The following MAGI1 variants were observed in gnomAD, a reference collection of about 807,000 sequenced individuals.
The protein encoded by MAGI1 is membrane associated guanylate kinase, WW and PDZ domain containing 1.
Under a neutral mutation model 139.9 loss-of-function variants are expected in MAGI1, and 58 were observed. That is an observed-to-expected ratio of 0.41 (90% CI 0.34 to 0.52). The LOEUF (loss-of-function observed/expected upper bound fraction) is 0.52. MAGI1 is among the 20% of genes least tolerant of loss of function. MAGI1 has a pLI of 0.12. For synonymous variants in MAGI1, 812 were observed against 737.9 expected (o/e 1.10, Z -1.63); for missense variants, 1,874 against 1,901.6 (o/e 0.99, Z 0.27).
chr3:65,430,902 C>A, intron 10 of MAGI1, 21 bp from the exon 11 acceptor site: 1 of 1,608,882 alleles, frequency 6.2e-7, no homozygotes, highest in Non-Finnish European at 8.5e-7. Flanking sequence ...ATAAGAAACG[C>A]ATAAGGAATG....
At chr3:65,518,126 T>C (rs1241046086) in intron 2 of MAGI1, among the ~76,000 whole-genome samples, 1 of 152,142 alleles carries the variant, frequency 6.6e-6, no homozygotes, top group Non-Finnish European at 1.5e-5. Flanking sequence ...TGTATCCCTC[T>C]AGTTAGCAGC....
Position 65,420,874 on chromosome 3 carries a change from A to G in MAGI1, c.2167+8646T>C, listed in dbSNP as rs537290829. Among the ~76,000 whole-genome samples, 5 of 152,358 alleles carry G rather than the reference A, an allele frequency of 3.3e-5. No individual in the cohort carries two copies. In the East Asian group the frequency reaches 9.6e-4, roughly 29 times the overall value. Reference sequence around the variant, plus strand: ...AGAATGAGACATTGCTTTGTAGAACAAAAGTAAAAGTTTTAGGTGTGCCAA... The same window carrying G: ...AGAATGAGACATTGCTTTGTAGAACGAAAGTAAAAGTTTTAGGTGTGCCAA... On this transcript the variant is annotated intron_variant, in intron 12 of 22. Transcript: ENST00000402939.
intron 1 of MAGI1, among the ~76,000 whole-genome samples, chr3:66,011,203 G>C (rs2067302924): frequency 6.6e-6 from 1 of 152,210 alleles, no homozygotes; most frequent in African/African-American, 2.4e-5. Flanking sequence ...CTAACTTCAA[G>C]GGTGTCCCCA....
At position 65,370,132 on chromosome 3, in the gene MAGI1, C is replaced by T. The variant is rs77528094; in HGVS notation, c.3197-5186G>A. Among the ~76,000 whole-genome samples the T allele has an allele frequency of 3.9e-3, 587 of 152,278 alleles. 2 individuals are homozygous for T. Among genetic ancestry groups the T allele is most frequent in the African/African-American group, 0.013 (552 of 41,562 alleles). ...GAGAAATCTAACTCCCCTGCTTCAA[C>T]TCTAATTTCCAAAATGCTGTTTCTC... On this transcript the variant is annotated intron_variant, in intron 18 of 22. Coordinates refer to ENST00000402939, the MANE Select transcript of MAGI1 (RefSeq NM_001033057.2).
Position 65,582,574 on chromosome 3 carries a change from C to T in MAGI1, c.430+39398G>A, listed in dbSNP as rs111438975. Among the ~76,000 whole-genome samples, 941 of 150,936 alleles carry T rather than the reference C, an allele frequency of 6.2e-3. 7 individuals are homozygous for T. Among genetic ancestry groups the T allele is most frequent in the African/African-American group, 0.021 (852 of 41,346 alleles). ...GGCTCTCTGATGTTGACATGCCTGA[C>T]GATTCTGAGTACAAAATCCAGGTCA... On this transcript the variant is annotated intron_variant, in intron 2 of 22. Transcript: ENST00000402939.
chr3:65,726,049 T>C (rs1417463908), intron 1 of MAGI1, among the ~76,000 whole-genome samples: 1 of 152,204 alleles, frequency 6.6e-6, no homozygotes, highest in Non-Finnish European at 1.5e-5. Flanking sequence ...ATGAACATAT[T>C]CTTGGCAGAG....
At chr3:65,392,895 G>T (rs1477526038) in intron 13 of MAGI1, among the ~76,000 whole-genome samples, 1 of 152,180 alleles carries the variant, frequency 6.6e-6, no homozygotes, top group East Asian at 1.9e-4. Context: ...TGATGTGCCT[G>T]CAGGAGAAAT....
intron 1 of MAGI1, chr3:65,688,548 T>G: frequency 2.7e-6 from 1 of 369,896 alleles, no homozygotes; most frequent in Non-Finnish European, 5.3e-6. Context: ...CTACTGTGCT[T>G]TATATGGTGA....
intron 1 of MAGI1, among the ~76,000 whole-genome samples, chr3:65,783,877 C>T (rs1385035243): frequency 6.6e-6 from 1 of 151,686 alleles, no homozygotes; most frequent in African/African-American, 2.4e-5. Context: ...AATCCCAGCA[C>T]TTTGGGAGGC....
chr3:65,715,311 G>A (rs776392477), intron 1 of MAGI1, among the ~76,000 whole-genome samples: 1 of 152,034 alleles, frequency 6.6e-6, no homozygotes, highest in African/African-American at 2.4e-5. Context: ...ACATTTTCTT[G>A]GTCCCCTTAT....
intron 5 of MAGI1, among the ~76,000 whole-genome samples, chr3:65,456,580 G>A (rs1285320620): frequency 6.6e-6 from 1 of 151,898 alleles, no homozygotes; most frequent in Non-Finnish European, 1.5e-5. Flanking sequence ...TGCTTTTGAT[G>A]TCTCTTTGCC....
chr3:65,402,535 C>A (rs1038110426), intron 12 of MAGI1, among the ~76,000 whole-genome samples: 2 of 152,120 alleles, frequency 1.3e-5, no homozygotes, highest in South Asian at 2.1e-4. Context: ...AGTTAGAATG[C>A]AAAATACAGA....
intron 1 of MAGI1, among the ~76,000 whole-genome samples, chr3:65,655,548 T>C (rs1337305218): frequency 2.0e-5 from 3 of 152,196 alleles, no homozygotes; most frequent in Non-Finnish European, 4.4e-5. Flanking sequence ...CAACTTGACA[T>C]GCAGAGGAGA....
At chr3:66,009,230 A>C (rs947422108) in intron 1 of MAGI1, 2 of 152,304 alleles carry the variant, frequency 1.3e-5, no homozygotes, top group African/African-American at 4.8e-5. Flanking sequence ...AATAAAGAAT[A>C]TCCGGCCAGG....
At chr3:65,487,795 T>C (rs1951720648) in intron 3 of MAGI1, among the ~76,000 whole-genome samples, 1 of 152,236 alleles carries the variant, frequency 6.6e-6, no homozygotes, top group Admixed American at 6.5e-5. Context: ...AGCTTAACTC[T>C]TAAGACCTGC....
chr3:65,753,250 C>T (rs1334658402), intron 1 of MAGI1, among the ~76,000 whole-genome samples: 1 of 152,070 alleles, frequency 6.6e-6, no homozygotes, highest in Non-Finnish European at 1.5e-5. Context: ...TTTGTGAGAC[C>T]TAAACTGTCC....
intron 2 of MAGI1, among the ~76,000 whole-genome samples, chr3:65,521,423 C>A (rs900430305): frequency 1.1e-4 from 16 of 152,046 alleles, no homozygotes; most frequent in African/African-American, 2.9e-4. Context: ...TATCAATAGC[C>A]CACGATTTAG....
At chr3:66,036,988 G>A (rs2068957993) in intron 1 of MAGI1, among the ~76,000 whole-genome samples, 1 of 152,176 alleles carries the variant, frequency 6.6e-6, no homozygotes. Flanking sequence ...ATTTCTGAGA[G>A]AGGAATTTGC....
chr3:65,597,919 C>T (rs765712669), intron 2 of MAGI1: 30 of 165,608 alleles, frequency 1.8e-4, no homozygotes, highest in Non-Finnish European at 2.2e-4. Flanking sequence ...TAAAGAGAGG[C>T]GGGGGTGGGG....
Sources: gnomAD v4.1 joint callset for allele counts (sites outside exome capture counted in the v4.1 genomes callset) on GRCh38, gnomAD v4.1.1 for gene constraint, MANE v1.5 for transcripts, NCBI Gene and HGNC (gene_info 2026-07-23, HGNC 2026-07-21) for gene names.